Variants in PCM1 observed in about 807,000 individuals in gnomAD.
PCM1 encodes pericentriolar material 1.
PCM1 carries 157 observed loss-of-function variants against 241.9 expected under a neutral mutation model. That is an observed-to-expected ratio of 0.65 (90% CI 0.57 to 0.74). The LOEUF (loss-of-function observed/expected upper bound fraction) is 0.74, where lower values mean the gene tolerates loss of function less well. Ranked by LOEUF, PCM1 falls within the 30% of genes least tolerant of loss-of-function variation. The pLI, the probability that PCM1 is intolerant of heterozygous loss-of-function variation, is 0.00. For synonymous variants in PCM1, 1,085 were observed against 784.9 expected (o/e 1.38, Z -6.39); for missense variants, 3,478 against 2,360.1 (o/e 1.47, Z -9.81).
chr8:18,016,718 C>G (rs555274465), intron 36 of PCM1, among the ~76,000 whole-genome samples: 44 of 152,286 alleles, frequency 2.9e-4, no homozygotes, highest in African/African-American at 9.4e-4. Context: ...TCTGCTTATC[C>G]TCCTCTAATT....
At chr8:18,027,552 A>T (rs2094325573) in intron 38 of PCM1, 85 bp from the exon 39 acceptor site, 1 of 899,448 alleles carries the variant, frequency 1.1e-6, no homozygotes, top group Non-Finnish European at 1.7e-6. Context: ...TTATATTAAA[A>T]GTAAAAGCTT....
chr8:17,976,519 A>G (rs1186859280), intron 23 of PCM1, among the ~76,000 whole-genome samples: 4 of 152,164 alleles, frequency 2.6e-5, no homozygotes, highest in African/African-American at 9.7e-5. Context: ...TCCATATAGC[A>G]ACTTCTCACA....
At chr8:17,996,880 G>C (rs11993004) in intron 29 of PCM1, among the ~76,000 whole-genome samples, 48,284 of 151,942 alleles carry the variant, frequency 0.32, 9,384 homozygotes, top group Middle Eastern at 0.49. Flanking sequence ...GTCTTGAAAA[G>C]TTGTTGTAGC....
chr8:17,931,980 T>C (rs1205920218), intron 2 of PCM1, among the ~76,000 whole-genome samples: 1 of 152,168 alleles, frequency 6.6e-6, no homozygotes, highest in Non-Finnish European at 1.5e-5. Flanking sequence ...TAATTGCTTT[T>C]GTGAAAGCAC....
chr8:18,004,944 A>G (rs7820320), intron 29 of PCM1, among the ~76,000 whole-genome samples: 2,572 of 152,154 alleles, frequency 0.017, 69 homozygotes, highest in African/African-American at 0.059. Flanking sequence ...TTCCCCCTCT[A>G]GCTACTCTCC....
chr8:17,971,742 T>G (rs1010498835), intron 22 of PCM1, among the ~76,000 whole-genome samples: 1 of 152,158 alleles, frequency 6.6e-6, no homozygotes, highest in Non-Finnish European at 1.5e-5. Flanking sequence ...TTGATTTTTC[T>G]TTTTGTTGTT....
intron 34 of PCM1, among the ~76,000 whole-genome samples, chr8:18,012,513 G>C (rs149955643): frequency 7.1e-4 from 108 of 152,278 alleles, no homozygotes; most frequent in African/African-American, 2.5e-3. Flanking sequence ...GCTATCCACA[G>C]TTTTGGAACA....
chr8:17,969,442 G>A, intron 21 of PCM1, 135 bp from the exon 22 acceptor site: 1 of 670,474 alleles, frequency 1.5e-6, no homozygotes, highest in Non-Finnish European at 2.4e-6. Context: ...ATAAATATTA[G>A]CTTTTTTTTT....
In PCM1 at chr8:17,953,124, A is replaced by G. The variant is rs774312049; in HGVS notation, c.1226A>G (p.Lys409Arg). 2 of 1,594,984 alleles carry G rather than the reference A, an allele frequency of 1.3e-6. No individual in the cohort carries two copies. Among genetic ancestry groups the G allele is most frequent in the Non-Finnish European group, 1.7e-6 (2 of 1,169,912 alleles). Residue 409 changes from lysine to arginine, a missense_variant, in exon 9 of 39, where the codon AAA becomes AGA. Physicochemically the swap from Lys to Arg is conservative, Grantham distance 26 (BLOSUM62 2). Transcript: ENST00000325083. ...KMRVLQEKKQ[K>R]MDKLLGELHT... is the part of the protein sequence containing the mutation. ...AGAGTGCTACAGGAAAAGAAACAAA[A>G]AATGGACAAATTGCTTGGAGAACTT...
rs541437385 is a variant in PCM1, at chr8:17,937,540, C to G, written c.342+161C>G. 9.9e-5 allele frequency among the ~76,000 whole-genome samples: 15 copies of G among 152,254 alleles called. No individual in the cohort carries two copies. In the South Asian group the frequency reaches 2.3e-3, roughly 23 times the overall value. On this transcript the variant is annotated intron_variant, in intron 4 of 38. Transcript: ENST00000325083. ...TTTTAATCACTGGGGATGGTCCTGT[C>G]TTCTTTAGAAGGAAATGAAGTCCCA...
intron 15 of PCM1, among the ~76,000 whole-genome samples, chr8:17,960,964 G>A (rs906186181): frequency 6.6e-6 from 1 of 152,006 alleles, no homozygotes; most frequent in Non-Finnish European, 1.5e-5. Context: ...TTCTTACTGG[G>A]CTGGCTGGCC....
At chr8:17,959,890 C>G in intron 13 of PCM1, 124 bp from the exon 14 acceptor site, 1 of 836,664 alleles carries the variant, frequency 1.2e-6, no homozygotes, top group Non-Finnish European at 1.9e-6. Context: ...TGTATACAAA[C>G]GTGCTTTCTT....
At chr8:18,011,133 G>A (rs1020281178) in intron 32 of PCM1, 104 bp from the exon 33 acceptor site, 6 of 731,444 alleles carry the variant, frequency 8.2e-6, no homozygotes, top group Admixed American at 8.0e-5. Flanking sequence ...ATGGTTCTTT[G>A]TATTTTTTAT....
chr8:18,016,650 T>C (rs1017183022), intron 36 of PCM1, among the ~76,000 whole-genome samples: 11 of 152,338 alleles, frequency 7.2e-5, no homozygotes, highest in Admixed American at 5.2e-4. Context: ...AAGCAGTGAA[T>C]TGACAACCAA....
chr8:17,931,536 C>T (rs979893087), intron 2 of PCM1, among the ~76,000 whole-genome samples: 3 of 152,066 alleles, frequency 2.0e-5, no homozygotes, highest in Admixed American at 1.3e-4. Flanking sequence ...GTAACGCCGA[C>T]CTTGGCCCAG....
chr8:17,961,949 A>T (rs945449683), intron 15 of PCM1, 85 bp from the exon 16 acceptor site: 13 of 1,159,178 alleles, frequency 1.1e-5, no homozygotes, highest in Middle Eastern at 2.0e-4. Flanking sequence ...CTAGAGCCTT[A>T]GTGCCATATT....
chr8:18,028,994 T>A lies in PCM1; in HGVS notation c.*1332T>A, dbSNP rs1255919394. 5.7e-6 allele frequency: 1 copy of A among 176,448 alleles called. No homozygotes were observed. The highest frequency in any genetic ancestry group is 2.4e-5 in the African/African-American group (1 of 42,100). 10.9% of individuals were successfully genotyped at this position (176,448 alleles called of 1,614,324 possible). On this transcript the variant is annotated 3_prime_UTR_variant, in exon 39 of 39. Transcript: ENST00000325083. The stretch of plus-strand genomic sequence containing the variant: ...GGGGAAACCCCGTCTCTACTAAAAA[T>A]AAAAAAATTAGCTGGGAGAGGTGGC...
Position 17,961,467 on chromosome 8 carries a change from C to T in PCM1, c.2323-567C>T, listed in dbSNP as rs1371982008. 1.2e-4 allele frequency among the ~76,000 whole-genome samples: 19 copies of T among 152,074 alleles called. No homozygotes were observed. The South Asian group carries it at 3.7e-3, about 30-fold the overall frequency. ...CTGGGACTACAGGTGCCCGCCACCA[C>T]GCCCGGCTAATTTTTTTGTATTTTT... On this transcript the variant is annotated intron_variant, in intron 15 of 38. Transcript: ENST00000325083.
Position 18,011,238 on chromosome 8 carries a change from A to G in PCM1, c.5222A>G (p.Asp1741Gly), listed in dbSNP as rs1453510872. Residue 1741 changes from aspartate (D) to glycine (G), a missense_variant and splice_region_variant, in exon 33 of 39, where the codon GAC (aspartate) becomes GGC (glycine). Transcript: ENST00000325083. ...PAGEIDDEDK[D>G]KDETETVKQT... ...TTACTCAAATATTTTTGTGTCTAGG[A>G]CAAGGATGAAACTGAAACAGTTAAG... 1 of 1,600,186 alleles carries G rather than the reference A, an allele frequency of 6.2e-7. No individual in the cohort carries two copies. Among genetic ancestry groups the G allele is most frequent in the African/African-American group, 1.3e-5 (1 of 74,802 alleles).
Sources: allele counts gnomAD v4.1 joint callset (sites outside exome capture counted in the v4.1 genomes callset), GRCh38; gene constraint gnomAD v4.1.1; transcripts MANE v1.5; gene names NCBI Gene and HGNC (gene_info 2026-07-23, HGNC 2026-07-21).